The following ABCA13 variants were observed in gnomAD, a reference collection of about 807,000 sequenced individuals.
The protein encoded by ABCA13 is ATP-binding cassette sub-family A member 13.
ABCA13 carries 476 observed loss-of-function variants against 478.7 expected under a neutral mutation model. That is an observed-to-expected ratio of 0.99 (90% CI 0.92 to 1.07). The LOEUF (loss-of-function observed/expected upper bound fraction) is 1.07. Ranked by LOEUF, ABCA13 falls within the 50% of genes least tolerant of loss-of-function variation. The pLI, the probability that ABCA13 is intolerant of heterozygous loss-of-function variation, is 0.00. For synonymous variants in ABCA13, 2,252 were observed against 2,158.9 expected (o/e 1.04, Z -1.20); for missense variants, 6,060 against 5,910.6 (o/e 1.03, Z -0.83).
chr7:48,599,526 T>C (rs923465691), intron 58 of ABCA13, among the ~76,000 whole-genome samples: 13 of 152,212 alleles, frequency 8.5e-5, no homozygotes, highest in African/African-American at 3.1e-4. Flanking sequence ...TCTATGGCTG[T>C]CTTTCCATTT....
chr7:48,447,048 C>G (rs1824398678), intron 42 of ABCA13, among the ~76,000 whole-genome samples: 1 of 152,188 alleles, frequency 6.6e-6, no homozygotes, highest in African/African-American at 2.4e-5. Context: ...ATCAGAGCTA[C>G]TAAATAAACC....
At chr7:48,196,710 C>T (rs1797982671) in intron 2 of ABCA13, among the ~76,000 whole-genome samples, 1 of 152,166 alleles carries the variant, frequency 6.6e-6, no homozygotes, top group African/African-American at 2.4e-5. Context: ...CAGTCTCTGA[C>T]CCACTGAGCA....
intron 15 of ABCA13, among the ~76,000 whole-genome samples, chr7:48,258,569 G>T (rs377438049): frequency 3.3e-5 from 5 of 151,418 alleles, no homozygotes; most frequent in East Asian, 1.9e-4. Context: ...ATGTTTTTTT[G>T]TGTGTGTGTC....
rs183356080 is a variant in ABCA13, at chr7:48,274,931, G to C, written c.5265G>C (p.Arg1755Ser). 1 of 1,613,678 alleles carries C rather than the reference G, an allele frequency of 6.2e-7. No individual in the cohort carries two copies. Residue 1755 changes from arginine to serine, a missense_variant, in exon 17 of 62, where the codon AGG becomes AGC. Around this residue, in one of 3 missense-constraint regions of ABCA13, gnomAD observed 4,423 missense variants for 4,309.1 expected, o/e 1.03. Coordinates refer to ENST00000435803, the MANE Select transcript of ABCA13 (RefSeq NM_152701.5). ...DVYYVLPHAV[R>S]LLQGVPGKNI... ...ACTATGTGCTTCCTCATGCTGTAAG[G>C]CTCCTGCAGGGAGTACCTGGTAAAA...
rs764965626 is a variant in ABCA13, at chr7:48,412,450, G to A, written c.12326G>A (p.Gly4109Glu). 6.2e-7 allele frequency: 1 copy of A among 1,613,412 alleles called. No individual in the cohort carries two copies. The highest frequency in any genetic ancestry group is 1.7e-5 in the Admixed American group (1 of 59,980). Residue 4109 changes from glycine to glutamate, a missense_variant, in exon 41 of 62, where the codon GGA (glycine) becomes GAA (glutamate). Transcript: ENST00000435803. ...IPQAFLKDSS[G>E]SELTYTIPKD... The stretch of plus-strand genomic sequence containing the variant: ...CAAGCATTTCTCAAAGACAGCAGTG[G>A]AAGTGAGCTGACCTACACCATTCCA...
chr7:48,642,652 G>A (rs1218998534), intron 59 of ABCA13, among the ~76,000 whole-genome samples: 1 of 152,080 alleles, frequency 6.6e-6, no homozygotes, highest in Non-Finnish European at 1.5e-5. Context: ...CCTGGAGATT[G>A]CTATTTGAGG....
At chr7:48,194,866 A>AT (rs376647521) in intron 2 of ABCA13, among the ~76,000 whole-genome samples, 152,326 of 152,326 alleles carry the variant, frequency 1, 76,163 homozygotes, top group Non-Finnish European at 1. Flanking sequence ...TATTATTATT[A>AT]TCAATAAATA....
chr7:48,515,503 T>A (rs1832038138), intron 51 of ABCA13, among the ~76,000 whole-genome samples: 2 of 152,146 alleles, frequency 1.3e-5, no homozygotes, highest in Non-Finnish European at 2.9e-5. Context: ...CTGACACATG[T>A]GGGGACTGCT....
At chr7:48,567,113 T>C (rs1787145459) in intron 55 of ABCA13, among the ~76,000 whole-genome samples, 1 of 152,222 alleles carries the variant, frequency 6.6e-6, no homozygotes, top group Admixed American at 6.5e-5. Context: ...GTAAAGGTTC[T>C]TCATTTGTTT....
intron 42 of ABCA13, among the ~76,000 whole-genome samples, chr7:48,444,683 G>A (rs1227887819): frequency 6.6e-6 from 1 of 152,028 alleles, no homozygotes; most frequent in Non-Finnish European, 1.5e-5. Context: ...TTCCCATACT[G>A]CTGCTCATAC....
At chr7:48,555,030 T>G (rs1785670542) in intron 55 of ABCA13, among the ~76,000 whole-genome samples, 1 of 151,586 alleles carries the variant, frequency 6.6e-6, no homozygotes. Flanking sequence ...TTTTTGAGGG[T>G]TTTTAATCAT....
intron 20 of ABCA13, among the ~76,000 whole-genome samples, chr7:48,292,331 A>T (rs953376300): frequency 6.6e-6 from 1 of 151,486 alleles, no homozygotes; most frequent in Non-Finnish European, 1.5e-5. Flanking sequence ...TCTCCCTTCT[A>T]CCTTCCAAAT....
intron 37 of ABCA13, among the ~76,000 whole-genome samples, chr7:48,390,429 C>A (rs546131389): frequency 6.6e-6 from 1 of 152,138 alleles, no homozygotes; most frequent in East Asian, 1.9e-4. Flanking sequence ...TTATAGTATC[C>A]CCCAGATAGG....
intron 53 of ABCA13, among the ~76,000 whole-genome samples, chr7:48,524,040 A>G (rs58511932): frequency 0.09 from 13,721 of 152,214 alleles, 1,128 homozygotes; most frequent in African/African-American, 0.22. Flanking sequence ...TTAGGAATGT[A>G]TATATTTCAT....
At chr7:48,206,613 A>C (rs1164534309) in intron 3 of ABCA13, among the ~76,000 whole-genome samples, 2 of 151,902 alleles carry the variant, frequency 1.3e-5, no homozygotes, top group Non-Finnish European at 2.9e-5. Flanking sequence ...TTTTAAAAAA[A>C]ATTTTGTTTC....
At chr7:48,284,782 C>A (rs1294279650) in intron 19 of ABCA13, among the ~76,000 whole-genome samples, 3 of 152,090 alleles carry the variant, frequency 2.0e-5, no homozygotes, top group Non-Finnish European at 4.4e-5. Context: ...AACTGCCACC[C>A]CACTGTCCTT....
intron 20 of ABCA13, among the ~76,000 whole-genome samples, chr7:48,294,011 A>G (rs1212750385): frequency 6.6e-6 from 1 of 152,202 alleles, no homozygotes; most frequent in East Asian, 1.9e-4. Flanking sequence ...GAATAGCCAC[A>G]TATGATTTCT....
chr7:48,594,927 A>G, intron 58 of ABCA13, 114 bp downstream of exon 58: 1 of 849,634 alleles, frequency 1.2e-6, no homozygotes, highest in South Asian at 1.7e-5. Flanking sequence ...AATCTTTACA[A>G]CACAATAATG....
intron 58 of ABCA13, among the ~76,000 whole-genome samples, chr7:48,601,614 G>T (rs2131482635): frequency 6.6e-6 from 1 of 152,262 alleles, no homozygotes; most frequent in African/African-American, 2.4e-5. Flanking sequence ...TCTTTATCCA[G>T]TCTATCATTG....
Sources: gnomAD v4.1 joint callset for allele counts (sites outside exome capture counted in the v4.1 genomes callset) on GRCh38, gnomAD v4.1.1 for gene constraint, gnomAD v4.1.1 regional missense constraint, MANE v1.5 for transcripts, NCBI Gene and HGNC (gene_info 2026-07-23, HGNC 2026-07-21) for gene names.